The following KALRN variants were observed in gnomAD, a reference collection of about 807,000 sequenced individuals.
KALRN encodes the protein kalirin RhoGEF kinase.
A neutral mutation model predicts 353.7 loss-of-function variants in KALRN; 70 were observed. The observed-to-expected ratio is 0.20, with a 90% CI of 0.16 to 0.24. The LOEUF is 0.24. Among genes scored for constraint, KALRN ranks in the 10% least tolerant of loss-of-function variants. The probability of loss-of-function intolerance (pLI) is 1.00; values close to 1 mark genes in which losing one functional copy is unlikely to be tolerated. For synonymous variants in KALRN, 1,391 were observed against 1,434.8 expected (o/e 0.97, Z 0.69); for missense variants, 2,791 against 3,756.7 (o/e 0.74, Z 6.72).
At chr3:124,256,066 C>T (rs908763239) in intron 3 of KALRN, among the ~76,000 whole-genome samples, 6 of 151,972 alleles carry the variant, frequency 3.9e-5, no homozygotes, top group African/African-American at 1.2e-4. Flanking sequence ...TGATAATGGG[C>T]GGTATGCAAG....
intron 51 of KALRN, among the ~76,000 whole-genome samples, chr3:124,687,606 A>G (rs1559849631): frequency 7.0e-6 from 1 of 142,210 alleles, no homozygotes; most frequent in Non-Finnish European, 1.6e-5. Flanking sequence ...TGACACATGG[A>G]CACATATAGA....
intron 37 of KALRN, among the ~76,000 whole-genome samples, chr3:124,640,496 G>C (rs1178193082): frequency 6.6e-6 from 1 of 151,904 alleles, no homozygotes; most frequent in African/African-American, 2.4e-5. Flanking sequence ...TGTTGGCCAG[G>C]CTGGTCTCAA....
intron 14 of KALRN, among the ~76,000 whole-genome samples, chr3:124,419,792 C>T (rs1489863880): frequency 6.6e-6 from 1 of 152,174 alleles, no homozygotes; most frequent in African/African-American, 2.4e-5. Flanking sequence ...AAGAGCCTGA[C>T]AAATGATTTC....
chr3:124,396,769 A>G (rs966601905), intron 12 of KALRN, among the ~76,000 whole-genome samples: 1 of 152,264 alleles, frequency 6.6e-6, no homozygotes, highest in Non-Finnish European at 1.5e-5. Flanking sequence ...GGCAAAGGCA[A>G]CAATGTGGGT....
intron 11 of KALRN, among the ~76,000 whole-genome samples, chr3:124,388,015 T>C (rs2088671587): frequency 1.3e-5 from 2 of 152,058 alleles, no homozygotes; most frequent in South Asian, 4.2e-4. Flanking sequence ...CACATATATG[T>C]ATATGTACAT....
In KALRN at chr3:124,115,539, A is replaced by G. The variant is rs188336356; in HGVS notation, c.73+81726A>G. On this transcript the variant is annotated intron_variant, in intron 1 of 59. Coordinates refer to ENST00000682506, the MANE Select transcript of KALRN (RefSeq NM_001388419.1). ...TCCAGTTGGAAGAGAGCTTCTGTTC[A>G]AAGTGCTGTATGGGTGGAGTCTTTC... 1.7e-3 allele frequency among the ~76,000 whole-genome samples: 253 copies of G among 152,312 alleles called. 1 individual carries two copies. The highest frequency in any genetic ancestry group is 2.6e-3 in the Non-Finnish European group (178 of 68,026).
intron 34 of KALRN, among the ~76,000 whole-genome samples, chr3:124,576,573 G>C (rs2074116284): frequency 6.6e-6 from 1 of 152,144 alleles, no homozygotes; most frequent in African/African-American, 2.4e-5. Flanking sequence ...CATTTATTTG[G>C]ACTGGTTGAA....
chr3:124,351,924 A>T (rs1365855186), intron 10 of KALRN, among the ~76,000 whole-genome samples: 1 of 152,206 alleles, frequency 6.6e-6, no homozygotes. Context: ...GACTGGGGAA[A>T]GGCTTTGCAG....
chr3:124,419,105 G>A (rs1219463636), intron 14 of KALRN, among the ~76,000 whole-genome samples: 8 of 151,878 alleles, frequency 5.3e-5, no homozygotes. Flanking sequence ...TGAGTCTGAT[G>A]TGAGGCAGAG....
intron 34 of KALRN, among the ~76,000 whole-genome samples, chr3:124,576,588 G>A (rs2074118320): frequency 6.6e-6 from 1 of 152,184 alleles, no homozygotes; most frequent in South Asian, 2.1e-4. Flanking sequence ...GTTGAAGGAT[G>A]AGCAGGTCAT....
intron 1 of KALRN, among the ~76,000 whole-genome samples, chr3:124,176,024 GC>G (rs1366586620): frequency 6.6e-6 from 1 of 151,940 alleles, no homozygotes; most frequent in Non-Finnish European, 1.5e-5. Flanking sequence ...AGACCCAGTA[GC>G]CCCCCTTTAT....
intron 3 of KALRN, among the ~76,000 whole-genome samples, chr3:124,255,979 G>T (rs531708719): frequency 6.6e-6 from 1 of 152,296 alleles, no homozygotes; most frequent in Admixed American, 6.5e-5. Context: ...CTCTGACAGA[G>T]GATGATCAGG....
chr3:124,039,021 GC>G (rs1406570819), intron 1 of KALRN, among the ~76,000 whole-genome samples: 1 of 152,176 alleles, frequency 6.6e-6, no homozygotes, highest in East Asian at 1.9e-4. Context: ...TGTTCACTTA[GC>G]CCCACTCCAA....
chr3:124,384,972 G>T lies in KALRN; in HGVS notation c.1898G>T (p.Arg633Leu), dbSNP rs748480747. The change falls in exon 11 of 60, where the codon CGC becomes CTC. Residue 633 changes from arginine (R) to leucine (L), a missense_variant. Arg to Leu is a moderately radical substitution (Grantham distance 102, BLOSUM62 -2). Around this residue, in one of 11 missense-constraint regions of KALRN, gnomAD observed 452 missense variants for 575.8 expected, o/e 0.78. Transcript: ENST00000682506. ...HLEVRIQDFV[R>L]RVEQRKLLLD... ...GAGGTGCGCATCCAAGACTTCGTGC[G>T]CAGGGTGGAGCAGCGGAAGCTTCTC... 10 of 1,613,780 alleles carry T rather than the reference G, an allele frequency of 6.2e-6. No individual in the cohort carries two copies. Among genetic ancestry groups the T allele is most frequent in the East Asian group, 2.2e-5 (1 of 44,876 alleles).
intron 34 of KALRN, among the ~76,000 whole-genome samples, chr3:124,583,501 C>T (rs75190339): frequency 1.2e-3 from 187 of 152,212 alleles, no homozygotes; most frequent in African/African-American, 4.4e-3. Context: ...GTCTACTGGG[C>T]ATATTGGGCC....
At chr3:124,062,972 A>G (rs768598183) in intron 1 of KALRN, among the ~76,000 whole-genome samples, 17 of 152,348 alleles carry the variant, frequency 1.1e-4, no homozygotes, top group Non-Finnish European at 1.8e-4. Context: ...CACATGTCTG[A>G]ATAAGGCAGC....
chr3:124,618,447 G>A (rs2078900639), intron 34 of KALRN, among the ~76,000 whole-genome samples: 2 of 152,078 alleles, frequency 1.3e-5, no homozygotes, highest in African/African-American at 2.4e-5. Flanking sequence ...AAAGTCTGCT[G>A]GTAGGAGAAC....
Position 124,334,345 on chromosome 3 carries a change from A to C in KALRN, c.1497A>C (p.Thr499=). Residue 499 remains threonine, a synonymous_variant, in exon 9 of 60, where the codon ACA becomes ACC. Coordinates refer to ENST00000682506, the MANE Select transcript of KALRN (RefSeq NM_001388419.1). This position sits in a 1 kb window ranked among gnomAD's most constrained non-coding sequence, Gnocchi z 4.2. ...SPGNSESLTA[T]ANYSKAVHQV... The stretch of plus-strand genomic sequence containing the variant: ...GGAACTCCGAATCCCTCACGGCCAC[A>C]GCCAACTACTCCAAGGCAGTGCACC... 1 of 1,614,236 alleles carries C rather than the reference A, an allele frequency of 6.2e-7. No individual in the cohort carries two copies. Among genetic ancestry groups the C allele is most frequent in the Non-Finnish European group, 8.5e-7 (1 of 1,180,040 alleles).
intron 13 of KALRN, among the ~76,000 whole-genome samples, chr3:124,405,760 C>G (rs1302013814): frequency 6.6e-6 from 1 of 151,316 alleles, no homozygotes; most frequent in African/African-American, 2.4e-5. Context: ...TCTCCTGCCT[C>G]AGCCTCCTGA....
Sources: allele counts gnomAD v4.1 joint callset (sites outside exome capture counted in the v4.1 genomes callset), GRCh38; gene constraint gnomAD v4.1.1; regional missense constraint gnomAD v4.1.1; non-coding constraint Gnocchi (gnomAD v3.1); transcripts MANE v1.5; gene names NCBI Gene and HGNC (gene_info 2026-07-23, HGNC 2026-07-21).